The following TMEM35A variants were observed in gnomAD, a reference collection of about 807,000 sequenced individuals.
The protein encoded by TMEM35A is nicotinic acetylcholine receptor chaperone.
For synonymous variants in TMEM35A, 50 were observed against 54.7 expected (o/e 0.91, Z 0.38); for missense variants, 83 against 132.7 (o/e 0.63, Z 1.84).
At chrX:101,083,831 T>C (rs777729141) in intron 1 of TMEM35A, among the ~76,000 whole-genome samples, 1 of 111,168 alleles carries the variant, frequency 9.0e-6, no homozygotes, top group Admixed American at 9.7e-5. Context: ...AAGCTGAGTT[T>C]GTTTCAGACA....
Position 101,078,919 on chromosome X carries a change from C to G in TMEM35A, c.-84C>G. On this transcript the variant is annotated 5_prime_UTR_variant, in exon 1 of 2. Transcript: ENST00000372930. ...TGCTGCCTCCGCAGCGTCCCCCCAG[C>G]TCTCCCTGTGCTAACTGCCTGCACC... The G allele has an allele frequency of 8.6e-7, 1 of 1,156,451 alleles. No homozygotes were observed. The highest frequency in any genetic ancestry group is 1.2e-6 in the Non-Finnish European group (1 of 854,019).
chrX:101,083,013 CAATT>C (rs1239700539), intron 1 of TMEM35A, among the ~76,000 whole-genome samples: 1 of 111,552 alleles, frequency 9.0e-6, no homozygotes, highest in Non-Finnish European at 1.9e-5. Flanking sequence ...TTTATGCAAT[CAATT>C]AATATTGAAA....
At chrX:101,091,937 T>C (rs1022554969) in intron 1 of TMEM35A, among the ~76,000 whole-genome samples, 2 of 111,779 alleles carry the variant, frequency 1.8e-5, no homozygotes, top group African/African-American at 6.5e-5. Context: ...CTCCAAATTT[T>C]CTGTCACCAT....
chrX:101,078,900 C>G lies in TMEM35A; in HGVS notation c.-103C>G, dbSNP rs964615472. 21 of 1,084,218 alleles carry G rather than the reference C, an allele frequency of 1.9e-5. No homozygotes were observed. Among genetic ancestry groups the G allele is most frequent in the African/African-American group, 5.5e-5 (3 of 54,488 alleles). 89.4% of individuals were successfully genotyped at this position (1,084,218 alleles called of 1,213,427 possible). A position where few individuals can be genotyped will look rare whatever the true frequency, so the allele number is the denominator to read the frequency against. On this transcript the variant is annotated 5_prime_UTR_variant, in exon 1 of 2. Coordinates refer to ENST00000372930, the MANE Select transcript of TMEM35A (RefSeq NM_021637.3). ...CTTTGTCATTCTAGCTGCCTGCTGC[C>G]TCCGCAGCGTCCCCCCAGCTCTCCC...
At chrX:101,091,023 T>C (rs1011096161) in intron 1 of TMEM35A, among the ~76,000 whole-genome samples, 1 of 110,447 alleles carries the variant, frequency 9.1e-6, no homozygotes, top group Non-Finnish European at 1.9e-5. Context: ...GTATTTTTAG[T>C]AGAGACGGAG....
chrX:101,085,464 G>A (rs941209227), intron 1 of TMEM35A, among the ~76,000 whole-genome samples: 15 of 110,610 alleles, frequency 1.4e-4, no homozygotes, highest in South Asian at 3.8e-4. Flanking sequence ...AGTTGGGTGC[G>A]TCAGCGGGCG....
intron 1 of TMEM35A, among the ~76,000 whole-genome samples, chrX:101,083,856 A>T (rs985004805): frequency 3.6e-5 from 4 of 111,054 alleles, no homozygotes; most frequent in Non-Finnish European, 7.5e-5. Context: ...TTTGACTGAC[A>T]GTAGGAGTCA....
chrX:101,079,589 T>A (rs991047843), intron 1 of TMEM35A, among the ~76,000 whole-genome samples: 2 of 110,858 alleles, frequency 1.8e-5, no homozygotes, highest in East Asian at 5.7e-4. Flanking sequence ...ACAAGCAATT[T>A]TTAGGGGCTG....
rs756000137 is a variant in TMEM35A, at chrX:101,079,093, A to G, written c.91A>G (p.Arg31Gly). 20 of 1,208,979 alleles carry G rather than the reference A, an allele frequency of 1.7e-5. No individual in the cohort carries two copies. The highest frequency in any genetic ancestry group is 1.5e-5 in the Non-Finnish European group (13 of 894,758). Residue 31 changes from arginine (R) to glycine (G), a missense_variant, in exon 1 of 2, where the codon AGG becomes GGG. Arg to Gly is a moderately radical substitution (Grantham distance 125, BLOSUM62 -2). Transcript: ENST00000372930. Reference protein sequence around the residue: ...VFMGTIKLTPRLSKDAYSEMK... With the variant: ...VFMGTIKLTPGLSKDAYSEMK... ...CATGGGGACTATCAAGCTGACCCCC[A>G]GGCTCAGCAAGGATGCCTACAGTGA...
rs886202814 is a variant in TMEM35A at position 101,095,196 on chromosome X, G to A, written c.*240G>A. The A allele has an allele frequency of 2.7e-6, 1 of 364,187 alleles. No homozygotes were observed. The highest frequency in any genetic ancestry group is 2.6e-5 in the African/African-American group (1 of 38,603). 30.0% of individuals were successfully genotyped at this position (364,187 alleles called of 1,213,427 possible). ...CTCTCACATCTTGCTGCATGTACAT[G>A]TATACGGCTACTATTGAAGTGTAAT... is the stretch of plus-strand genomic sequence containing the variant. On this transcript the variant is annotated 3_prime_UTR_variant, in exon 2 of 2. Coordinates refer to ENST00000372930, the MANE Select transcript of TMEM35A (RefSeq NM_021637.3).
intron 1 of TMEM35A, among the ~76,000 whole-genome samples, chrX:101,080,934 A>G (rs2089290141): frequency 9.1e-6 from 1 of 110,190 alleles, no homozygotes; most frequent in Non-Finnish European, 1.9e-5. Flanking sequence ...CAATCCAACT[A>G]AGATGGAGTC....
Position 101,094,777 on chromosome X carries a change from G to A in TMEM35A, c.325G>A (p.Gly109Ser). ...LAVLFFHQLV[G>S]DPLKRYAHAL... Reference sequence around the variant, plus strand: ...TGTGCTCTTCTTCCACCAGCTGGTCGGTGATCCTCTCAAACGCTACGCCCA... The same window carrying A: ...TGTGCTCTTCTTCCACCAGCTGGTCAGTGATCCTCTCAAACGCTACGCCCA... Residue 109 changes from glycine to serine, a missense_variant, in exon 2 of 2, where the codon GGT (glycine) becomes AGT (serine). Physicochemically the swap from Gly to Ser is moderately conservative, Grantham distance 56. Coordinates refer to ENST00000372930, the MANE Select transcript of TMEM35A (RefSeq NM_021637.3). The A allele has an allele frequency of 8.3e-7, 1 of 1,211,287 alleles. No individual in the cohort carries two copies.
chrX:101,082,166 C>T, intron 1 of TMEM35A, among the ~76,000 whole-genome samples: 1 of 27,075 alleles, frequency 3.7e-5, no homozygotes, highest in Non-Finnish European at 7.7e-5. Context: ...TGCTTTTCTG[C>T]CAACTATTTT....
At chrX:101,084,411 A>G (rs988820386) in intron 1 of TMEM35A, among the ~76,000 whole-genome samples, 5 of 103,252 alleles carry the variant, frequency 4.8e-5, no homozygotes, top group Admixed American at 1.1e-4. Flanking sequence ...ATTTTTTGCC[A>G]AAATATATTT....
At chrX:101,079,759 T>C (rs1315011225) in intron 1 of TMEM35A, among the ~76,000 whole-genome samples, 2 of 111,827 alleles carry the variant, frequency 1.8e-5, no homozygotes, top group Non-Finnish European at 3.8e-5. Flanking sequence ...TTTTGTTTTA[T>C]TTTGTTTTGT....
chrX:101,092,775 C>T lies in TMEM35A; in HGVS notation c.121-1798C>T, dbSNP rs750526865. On this transcript the variant is annotated intron_variant, in intron 1 of 1. Coordinates refer to ENST00000372930, the MANE Select transcript of TMEM35A (RefSeq NM_021637.3). The stretch of plus-strand genomic sequence containing the variant: ...ATGTGGGAGGCTGAGGCAGGAGAAT[C>T]GCTTGAACCTGGGAGGCGGAGGTTG... 7.7e-4 allele frequency among the ~76,000 whole-genome samples: 85 copies of T among 110,188 alleles called. 1 individual carries two copies. Among genetic ancestry groups the T allele is most frequent in the Non-Finnish European group, 7.9e-4 (42 of 52,840 alleles).
Position 101,094,877 on chromosome X carries a change from A to G in TMEM35A, c.425A>G (p.Lys142Arg). 1 of 1,210,378 alleles carries G rather than the reference A, an allele frequency of 8.3e-7. No individual in the cohort carries two copies. The highest frequency in any genetic ancestry group is 1.1e-6 in the Non-Finnish European group (1 of 895,445). Residue 142 changes from lysine to arginine, a missense_variant, in exon 2 of 2, where the codon AAG becomes AGG. Lys to Arg is a conservative substitution (Grantham distance 26). Transcript: ENST00000372930. The part of the protein sequence containing the change: ...ARKPEDRSSE[K>R]KPLPGNAEEQ... Reference sequence around the variant, plus strand: ...AAGCCCGAAGACCGGTCTTCTGAGAAGAAGCCTTTGCCAGGGAATGCTGAG... The same window carrying G: ...AAGCCCGAAGACCGGTCTTCTGAGAGGAAGCCTTTGCCAGGGAATGCTGAG...
intron 1 of TMEM35A, among the ~76,000 whole-genome samples, chrX:101,085,550 G>A (rs760384994): frequency 8.1e-4 from 89 of 110,415 alleles, no homozygotes; most frequent in Non-Finnish European, 7.0e-4. Context: ...GCAGTGAGCC[G>A]AGATCGTGCA....
At position 101,095,634 on chromosome X, in the gene TMEM35A, T is replaced by C. The variant is rs1316408683; in HGVS notation, c.*678T>C. 9.0e-6 allele frequency: 1 copy of C among 111,305 alleles called. No individual in the cohort carries two copies. The allele number at this position is 111,305 out of a possible 1,213,427, so 9.2% of individuals were successfully genotyped here. A position where few individuals can be genotyped will look rare whatever the true frequency, so the allele number is the denominator to read the frequency against. The stretch of plus-strand genomic sequence containing the variant: ...ACATTTTAAATAGTCCATATTGAAT[T>C]TAATTAAAACAAGGGATGCATGCAG... On this transcript the variant is annotated 3_prime_UTR_variant, in exon 2 of 2. Transcript: ENST00000372930.
Sources: gnomAD v4.1 joint callset for allele counts (sites outside exome capture counted in the v4.1 genomes callset) on GRCh38, gnomAD v4.1.1 for gene constraint, MANE v1.5 for transcripts, NCBI Gene and HGNC (gene_info 2026-07-23, HGNC 2026-07-21) for gene names.